Variants in PACS1 observed in about 807,000 individuals in gnomAD.
PACS1 encodes the protein PACS-1.
A neutral mutation model predicts 115.0 loss-of-function variants in PACS1; 24 were observed. That is an observed-to-expected ratio of 0.21 (90% CI 0.15 to 0.29). The LOEUF (loss-of-function observed/expected upper bound fraction) is 0.29. Among genes scored for constraint, PACS1 ranks in the 10% least tolerant of loss-of-function variants. The pLI is 1.00. For synonymous variants in PACS1, 453 were observed against 504.5 expected, an observed-to-expected ratio of 0.90 and a Z score of 1.37; for missense variants, 838 against 1,251.2, an observed-to-expected ratio of 0.67 and a Z score of 4.98.
intron 1 of PACS1, among the ~76,000 whole-genome samples, chr11:66,165,689 T>C (rs1859584475): frequency 6.6e-6 from 1 of 151,862 alleles, no homozygotes; most frequent in Admixed American, 6.6e-5. Flanking sequence ...ATATTGGAGT[T>C]TTTCTATTTG....
chr11:66,212,272 C>CA (rs1292041342), intron 4 of PACS1, among the ~76,000 whole-genome samples: 1 of 151,442 alleles, frequency 6.6e-6, no homozygotes, highest in Non-Finnish European at 1.5e-5. Flanking sequence ...GCTGGGACTA[C>CA]AGGCGTGCAC....
intron 1 of PACS1, among the ~76,000 whole-genome samples, chr11:66,142,434 T>C (rs1232875495): frequency 6.6e-6 from 1 of 151,860 alleles, no homozygotes; most frequent in African/African-American, 2.4e-5. Context: ...TCCTTCTGAG[T>C]AGCTGGGACC....
intron 1 of PACS1, among the ~76,000 whole-genome samples, chr11:66,071,506 A>G (rs577101209): frequency 3.9e-5 from 6 of 152,108 alleles, no homozygotes; most frequent in Non-Finnish European, 7.4e-5. Flanking sequence ...AATTCAATCC[A>G]TTGCTCTCTG....
intron 1 of PACS1, among the ~76,000 whole-genome samples, chr11:66,166,810 C>G (rs138198138): frequency 1.3e-5 from 2 of 150,376 alleles, no homozygotes; most frequent in African/African-American, 2.5e-5. Flanking sequence ...AGGCAGTGTT[C>G]TCAGTGCTTT....
Position 66,227,496 on chromosome 11 carries a change from T to A in PACS1, c.1294-8T>A, listed in dbSNP as rs1855491246. On this transcript the variant is annotated splice_region_variant and splice_polypyrimidine_tract_variant and intron_variant, in intron 10 of 23. Transcript: ENST00000320580. ...ATCAGTGATAACTAATTCTTATAAT[T>A]TTTGCAGATGGAATTGGCTGCTCTA... The A allele has an allele frequency of 6.5e-7, 1 of 1,549,960 alleles. No homozygotes were observed. Among genetic ancestry groups the A allele is most frequent in the Non-Finnish European group, 8.9e-7 (1 of 1,123,996 alleles).
At chr11:66,208,977 A>G (rs868772668) in intron 2 of PACS1, among the ~76,000 whole-genome samples, 1 of 151,956 alleles carries the variant, frequency 6.6e-6, no homozygotes, top group Non-Finnish European at 1.5e-5. Context: ...ATTTTTTTTT[A>G]GACAAATTTA....
chr11:66,151,917 A>C (rs1411196543), intron 1 of PACS1, among the ~76,000 whole-genome samples: 1 of 152,214 alleles, frequency 6.6e-6, no homozygotes, highest in African/African-American at 2.4e-5. Flanking sequence ...TGTAGAGCTC[A>C]AATAAGTAAT....
chr11:66,083,715 T>G (rs1395332989), intron 1 of PACS1, among the ~76,000 whole-genome samples: 1 of 152,210 alleles, frequency 6.6e-6, no homozygotes, highest in African/African-American at 2.4e-5. Flanking sequence ...AGAATGACTG[T>G]TTAGGACTGT....
At chr11:66,091,666 C>T (rs1857668510) in intron 1 of PACS1, among the ~76,000 whole-genome samples, 2 of 151,542 alleles carry the variant, frequency 1.3e-5, no homozygotes, top group South Asian at 2.1e-4. Context: ...AGCTATCCCT[C>T]CCCCCTCCTC....
Position 66,233,968 on chromosome 11 carries a change from C to G in PACS1, c.1993+29C>G, listed in dbSNP as rs372564508. The G allele has an allele frequency of 6.4e-7, 1 of 1,566,276 alleles. No homozygotes were observed. The highest frequency in any genetic ancestry group is 8.7e-7 in the Non-Finnish European group (1 of 1,153,156). Reference sequence around the variant, plus strand: ...AAGACGGGAGGCACCAGGAGGGCGTCGGGCATGAGGGTTCCATAGACAGAT... The same window carrying G: ...AAGACGGGAGGCACCAGGAGGGCGTGGGGCATGAGGGTTCCATAGACAGAT... On this transcript the variant is annotated intron_variant, in intron 16 of 23. Transcript: ENST00000320580. This position sits in a 1 kb window ranked among gnomAD's most constrained non-coding sequence, Gnocchi z 4.5.
At chr11:66,223,885 T>C (rs1855413431) in intron 10 of PACS1, among the ~76,000 whole-genome samples, 1 of 152,146 alleles carries the variant, frequency 6.6e-6, no homozygotes, top group Non-Finnish European at 1.5e-5. Context: ...GGTGTCGGTA[T>C]AGGAGCCCAT....
chr11:66,078,291 G>A, intron 1 of PACS1, among the ~76,000 whole-genome samples: 1 of 152,194 alleles, frequency 6.6e-6, no homozygotes, highest in East Asian at 1.9e-4. Flanking sequence ...GTTTTTTAGT[G>A]ACCTCGTATA....
chr11:66,235,521 C>G lies in PACS1; in HGVS notation c.2207+118C>G. 1.3e-6 allele frequency: 1 copy of G among 771,222 alleles called. No individual in the cohort carries two copies. The highest frequency in any genetic ancestry group is 2.2e-6 in the Non-Finnish European group (1 of 462,582). 47.8% of individuals were successfully genotyped at this position (771,222 alleles called of 1,614,324 possible). On this transcript the variant is annotated intron_variant, in intron 18 of 23. Transcript: ENST00000320580. This position sits in a 1 kb window ranked among gnomAD's most constrained non-coding sequence, Gnocchi z 5.6. ...CATGCTATATTCCTTCATAGGAACC[C>G]AAAAGGATATGAGTGGTTTTTACCA...
intron 1 of PACS1, among the ~76,000 whole-genome samples, chr11:66,123,383 G>C (rs1253787196): frequency 1.3e-5 from 2 of 151,924 alleles, no homozygotes; most frequent in Admixed American, 6.6e-5. Context: ...GTAGAGACAG[G>C]GTTTTGCCAT....
chr11:66,100,940 G>A, intron 1 of PACS1: 1 of 456,180 alleles, frequency 2.2e-6, no homozygotes, highest in Admixed American at 2.3e-5. Flanking sequence ...AAGCCTCAGT[G>A]CCTGTCCTCC....
intron 1 of PACS1, among the ~76,000 whole-genome samples, chr11:66,148,571 A>G (rs1312873530): frequency 6.6e-6 from 1 of 152,250 alleles, no homozygotes; most frequent in African/African-American, 2.4e-5. Flanking sequence ...AATGCCCATC[A>G]GAAAGGGACT....
chr11:66,242,015 G>T (rs1374195742), intron 22 of PACS1, among the ~76,000 whole-genome samples: 2 of 152,208 alleles, frequency 1.3e-5, no homozygotes, highest in Non-Finnish European at 2.9e-5. Flanking sequence ...TGTGACGCAG[G>T]AGTAGAGAAC....
chr11:66,080,239 G>A (rs1026548340), intron 1 of PACS1, among the ~76,000 whole-genome samples: 12 of 152,184 alleles, frequency 7.9e-5, no homozygotes, highest in Non-Finnish European at 1.6e-4. Context: ...GTGTTTCTGT[G>A]TGCCAAGCAC....
intron 1 of PACS1, among the ~76,000 whole-genome samples, chr11:66,122,333 C>A (rs1008383527): frequency 6.6e-6 from 1 of 152,122 alleles, no homozygotes; most frequent in African/African-American, 2.4e-5. Flanking sequence ...CCTGGTCACC[C>A]AAAATTCAGA....
Sources: allele counts gnomAD v4.1 joint callset (sites outside exome capture counted in the v4.1 genomes callset), GRCh38; gene constraint gnomAD v4.1.1; non-coding constraint Gnocchi (gnomAD v3.1); transcripts MANE v1.5; gene names NCBI Gene and HGNC (gene_info 2026-07-23, HGNC 2026-07-21).